DYNC1LI2: variants seen among roughly 807,000 people sequenced by gnomAD.
The protein encoded by DYNC1LI2 is dynein cytoplasmic 1 light intermediate chain 2, also known as cytoplasmic dynein 1 light intermediate chain 2.
In DYNC1LI2, 19 loss-of-function variants were observed where a neutral mutation model predicts 57.8. The ratio of observed to expected loss-of-function variants is 0.33; its 90% CI spans 0.23 to 0.48. The LOEUF (loss-of-function observed/expected upper bound fraction) is 0.48, where lower values mean the gene tolerates loss of function less well. Among genes scored for constraint, DYNC1LI2 ranks in the 20% least tolerant of loss-of-function variants. The pLI is 0.99. For missense variants in DYNC1LI2, 470 were observed against 604.2 expected, an observed-to-expected ratio of 0.78 and a Z score of 2.33; for synonymous variants, 256 against 233.4, an observed-to-expected ratio of 1.10 and a Z score of -0.88.
At chr16:66,729,725 G>A (rs2017601656) in intron 8 of DYNC1LI2, among the ~76,000 whole-genome samples, 1 of 151,424 alleles carries the variant, frequency 6.6e-6, no homozygotes, top group Non-Finnish European at 1.5e-5. Context: ...ACAGGAATCA[G>A]CCACCACGCC....
chr16:66,750,337 G>A (rs1051924185), intron 2 of DYNC1LI2, among the ~76,000 whole-genome samples: 1 of 152,146 alleles, frequency 6.6e-6, no homozygotes, highest in East Asian at 1.9e-4. Flanking sequence ...GGGGATGGAG[G>A]TGAGATAAAA....
chr16:66,736,388 T>A lies in DYNC1LI2; in HGVS notation c.530-144A>T, dbSNP rs994979861. On this transcript the variant is annotated intron_variant, in intron 4 of 12. Coordinates refer to ENST00000258198, the MANE Select transcript of DYNC1LI2 (RefSeq NM_006141.3). The stretch of plus-strand genomic sequence containing the variant: ...TTCTTAGTCACATCCAACTGCAAAA[T>A]CAAGGATTTGGGGATGGTGATACAA... 8 of 975,062 alleles carry A rather than the reference T, an allele frequency of 8.2e-6. No homozygotes were observed. The African/African-American group carries it at 1.3e-4, about 16-fold the overall frequency. 60.4% of individuals were successfully genotyped at this position (975,062 alleles called of 1,614,324 possible).
At chr16:66,740,549 A>G (rs777618915) in intron 4 of DYNC1LI2, among the ~76,000 whole-genome samples, 1 of 152,196 alleles carries the variant, frequency 6.6e-6, no homozygotes, top group Non-Finnish European at 1.5e-5. Context: ...TGGTTCCAGC[A>G]ATTGCTAGCT....
At chr16:66,728,979 C>A in intron 9 of DYNC1LI2, 61 bp downstream of exon 9, 2 of 1,584,502 alleles carry the variant, frequency 1.3e-6, no homozygotes, top group Non-Finnish European at 1.7e-6. Context: ...CCAACCCCAC[C>A]CTAGGGACTG....
intron 4 of DYNC1LI2, among the ~76,000 whole-genome samples, chr16:66,741,918 A>C (rs1340291054): frequency 6.9e-6 from 1 of 145,256 alleles, no homozygotes; most frequent in Non-Finnish European, 1.5e-5. Flanking sequence ...AAAAAAAAAA[A>C]AAGACCCTCC....
chr16:66,721,695 A>G lies in DYNC1LI2; in HGVS notation c.*2027T>C, dbSNP rs2017452955. On this transcript the variant is annotated 3_prime_UTR_variant, in exon 13 of 13. Coordinates refer to ENST00000258198, the MANE Select transcript of DYNC1LI2 (RefSeq NM_006141.3). ...TCCAAGAAACCTTCCTTCACAAGAC[A>G]TGTCTTAGCATTTCATCAGTTTTAG... 6.6e-6 allele frequency: 1 copy of G among 152,664 alleles called. No individual in the cohort carries two copies. Among genetic ancestry groups the G allele is most frequent in the Admixed American group, 6.5e-5 (1 of 15,278 alleles). 9.5% of individuals were successfully genotyped at this position (152,664 alleles called of 1,614,324 possible).
chr16:66,723,667 C>A lies in DYNC1LI2; in HGVS notation c.*55G>T. 1 of 1,512,356 alleles carries A rather than the reference C, an allele frequency of 6.6e-7. No individual in the cohort carries two copies. The highest frequency in any genetic ancestry group is 9.0e-7 in the Non-Finnish European group (1 of 1,113,070). 93.7% of individuals were successfully genotyped at this position (1,512,356 alleles called of 1,614,324 possible). On this transcript the variant is annotated 3_prime_UTR_variant, in exon 13 of 13. Transcript: ENST00000258198. ...CATATCAGAAAAATCCTGGTCTTAG[C>A]AGATCAATATACATAGTTATTTGGT...
intron 10 of DYNC1LI2, 78 bp downstream of exon 10, chr16:66,728,123 T>G: frequency 6.3e-7 from 1 of 1,577,048 alleles, no homozygotes; most frequent in Non-Finnish European, 8.7e-7. Context: ...AAATATACGC[T>G]CTCACAAATA....
In DYNC1LI2 at chr16:66,751,187, G is replaced by A; in HGVS notation, c.181+86C>T. 6.9e-7 allele frequency: 1 copy of A among 1,449,176 alleles called. No homozygotes were observed. Among genetic ancestry groups the A allele is most frequent in the Non-Finnish European group, 9.3e-7 (1 of 1,072,718 alleles). 89.8% of individuals were successfully genotyped at this position (1,449,176 alleles called of 1,614,324 possible). ...CCGCCAGGCTGCGGGCAGGCGGCTGGAACGGGGAAGGCGGGGACCTGAGGG... is the reference window on the plus strand; with the variant it reads ...CCGCCAGGCTGCGGGCAGGCGGCTGAAACGGGGAAGGCGGGGACCTGAGGG... On this transcript the variant is annotated intron_variant, in intron 2 of 12. Transcript: ENST00000258198. This position sits in a 1 kb window ranked among gnomAD's most constrained non-coding sequence, Gnocchi z 5.2.
intron 3 of DYNC1LI2, among the ~76,000 whole-genome samples, chr16:66,747,124 G>C (rs1356331035): frequency 6.8e-6 from 1 of 146,924 alleles, no homozygotes; most frequent in African/African-American, 2.6e-5. Context: ...CTGTTGCCCA[G>C]GCTGGAGTGC....
At chr16:66,730,451 G>C (rs376118622) in intron 7 of DYNC1LI2, 1 of 401,134 alleles carries the variant, frequency 2.5e-6, no homozygotes, top group East Asian at 4.4e-5. Flanking sequence ...AAGGTCTAAG[G>C]AGCCAGTATG....
At chr16:66,742,927 G>A (rs1159486257) in intron 3 of DYNC1LI2, among the ~76,000 whole-genome samples, 1 of 152,196 alleles carries the variant, frequency 6.6e-6, no homozygotes, top group Non-Finnish European at 1.5e-5. Context: ...GAGAGGCTGA[G>A]GCAGGTGGAT....
chr16:66,726,405 G>A (rs2017536685), intron 11 of DYNC1LI2, among the ~76,000 whole-genome samples: 1 of 152,240 alleles, frequency 6.6e-6, no homozygotes, highest in Admixed American at 6.5e-5. Flanking sequence ...AGCTTGACAA[G>A]AGAAGTGAAG....
chr16:66,743,199 C>CA (rs71378410), intron 3 of DYNC1LI2, among the ~76,000 whole-genome samples: 76,275 of 151,110 alleles, frequency 0.5, 20,094 homozygotes, highest in African/African-American at 0.64. Context: ...ACAAAACAAA[C>CA]AAAAAAAACT....
chr16:66,724,109 C>A (rs1338884763), intron 12 of DYNC1LI2, among the ~76,000 whole-genome samples: 2 of 152,058 alleles, frequency 1.3e-5, no homozygotes. Flanking sequence ...TTCTGAAAAC[C>A]CTCTCACCAC....
At chr16:66,723,972 T>A in intron 12 of DYNC1LI2, 150 bp from the exon 13 acceptor site, 1 of 655,062 alleles carries the variant, frequency 1.5e-6, no homozygotes, top group Admixed American at 3.3e-5. Context: ...TCTACTGCAG[T>A]GGTGAGGAGA....
At chr16:66,744,959 T>A (rs1215463460) in intron 3 of DYNC1LI2, among the ~76,000 whole-genome samples, 7 of 152,164 alleles carry the variant, frequency 4.6e-5, no homozygotes, top group Non-Finnish European at 7.4e-5. Context: ...GTCACCCAGG[T>A]TGGAATGCAG....
intron 7 of DYNC1LI2, chr16:66,732,088 T>C (rs1261513165): frequency 2.3e-6 from 1 of 432,712 alleles, no homozygotes; most frequent in Non-Finnish European, 4.1e-6. Flanking sequence ...GAGTTGACAG[T>C]GAGTGCCAAA....
rs191540568 is a variant in DYNC1LI2, at chr16:66,732,616, A to G, written c.794-142T>C. The stretch of plus-strand genomic sequence containing the variant: ...GAAAGCATTACAATTTTAAAAACTA[A>G]AACGCTTATAGTATTACATAGGCAT... On this transcript the variant is annotated intron_variant, in intron 6 of 12. Coordinates refer to ENST00000258198, the MANE Select transcript of DYNC1LI2 (RefSeq NM_006141.3). 59 of 845,576 alleles carry G rather than the reference A, an allele frequency of 7.0e-5. No individual in the cohort carries two copies. In the East Asian group the frequency reaches 1.6e-3, roughly 23 times the overall value. 52.4% of individuals were successfully genotyped at this position (845,576 alleles called of 1,614,324 possible).
Sources: gnomAD v4.1 joint callset for allele counts (sites outside exome capture counted in the v4.1 genomes callset) on GRCh38, gnomAD v4.1.1 for gene constraint, Gnocchi (gnomAD v3.1) non-coding constraint, MANE v1.5 for transcripts, NCBI Gene and HGNC (gene_info 2026-07-23, HGNC 2026-07-21) for gene names.